The following MTM1 variants were observed in gnomAD, a reference collection of about 807,000 sequenced individuals.
The protein encoded by MTM1 is myotubularin.
Under a neutral mutation model 52.1 loss-of-function variants are expected in MTM1, and 9 were observed. That is an observed-to-expected ratio of 0.17 (90% CI 0.10 to 0.30). MTM1 has a LOEUF of 0.30. Ranked by LOEUF, MTM1 falls within the 10% of genes least tolerant of loss-of-function variation. The pLI, the probability that MTM1 is intolerant of heterozygous loss-of-function variation, is 1.00. For synonymous variants in MTM1, 136 were observed against 163.8 expected, an observed-to-expected ratio of 0.83 and a Z score of 1.29; for missense variants, 277 against 470.7, an observed-to-expected ratio of 0.59 and a Z score of 3.81.
At chrX:150,632,353 G>A (rs1180117616) in intron 6 of MTM1, among the ~76,000 whole-genome samples, 3 of 111,871 alleles carry the variant, frequency 2.7e-5, no homozygotes, top group Non-Finnish European at 3.8e-5. Flanking sequence ...TTTGGTGTCC[G>A]GGAGCACAGC....
At chrX:150,661,619 A>G (rs1488590860) in intron 13 of MTM1, among the ~76,000 whole-genome samples, 4 of 111,927 alleles carry the variant, frequency 3.6e-5, no homozygotes, top group Non-Finnish European at 5.6e-5. Context: ...ATGAAATCCT[A>G]CCATTTGCAA....
At chrX:150,620,511 C>G (rs2039459781) in intron 6 of MTM1, among the ~76,000 whole-genome samples, 1 of 111,883 alleles carries the variant, frequency 8.9e-6, no homozygotes, top group Admixed American at 9.5e-5. Context: ...TCATTTCCAT[C>G]TCATTCTGTT....
At chrX:150,659,572 A>G in intron 11 of MTM1, 92 bp from the exon 12 acceptor site, 1 of 732,364 alleles carries the variant, frequency 1.4e-6, no homozygotes, top group Non-Finnish European at 2.1e-6. Context: ...TAGAAGGCAC[A>G]TTGCTGAATT....
At chrX:150,598,827 T>G (rs781942944) in intron 4 of MTM1, 141 bp downstream of exon 4, 1 of 451,625 alleles carries the variant, frequency 2.2e-6, no homozygotes, top group Admixed American at 4.0e-5. Context: ...TTTTTGCTTA[T>G]GCAAAACTCA....
chrX:150,577,604 T>G (rs2038495828), intron 1 of MTM1, among the ~76,000 whole-genome samples: 1 of 112,402 alleles, frequency 8.9e-6, no homozygotes, highest in Non-Finnish European at 1.9e-5. Context: ...TGAAATCTTT[T>G]GCCCATTTCT....
intron 4 of MTM1, among the ~76,000 whole-genome samples, chrX:150,613,993 C>T (rs2039338107): frequency 8.9e-6 from 1 of 112,165 alleles, no homozygotes; most frequent in Admixed American, 9.5e-5. Context: ...TGTGTAAATT[C>T]GTGGTAACAA....
At chrX:150,582,426 C>G (rs1259464118) in intron 1 of MTM1, among the ~76,000 whole-genome samples, 1 of 111,667 alleles carries the variant, frequency 9.0e-6, no homozygotes, top group East Asian at 2.8e-4. Context: ...TGTAGCCAAC[C>G]TCCTGCCTAT....
At chrX:150,575,681 A>G (rs1382429819) in intron 1 of MTM1, among the ~76,000 whole-genome samples, 1 of 112,045 alleles carries the variant, frequency 8.9e-6, no homozygotes, top group Admixed American at 9.4e-5. Context: ...GGTGGGGCCC[A>G]AGATCTTTAC....
intron 1 of MTM1, among the ~76,000 whole-genome samples, chrX:150,587,272 A>G (rs1373652923): frequency 8.9e-6 from 1 of 112,002 alleles, no homozygotes; most frequent in Non-Finnish European, 1.9e-5. Context: ...GACGGTTCAC[A>G]TGGGAATTAT....
intron 6 of MTM1, among the ~76,000 whole-genome samples, chrX:150,625,098 A>G (rs1569565462): frequency 9.0e-6 from 1 of 111,391 alleles, no homozygotes; most frequent in Non-Finnish European, 1.9e-5. Context: ...GTGTGGTAAC[A>G]AGCATGTGCC....
chrX:150,649,637 A>G, intron 9 of MTM1, 79 bp from the exon 10 acceptor site: 4 of 944,189 alleles, frequency 4.2e-6, no homozygotes, highest in Non-Finnish European at 6.1e-6. Context: ...TTGGAGGACA[A>G]ATAACTAGAA....
Position 150,619,150 on chromosome X carries a change from G to A in MTM1, c.444+11G>A. The A allele has an allele frequency of 8.7e-7, 1 of 1,155,697 alleles. No individual in the cohort carries two copies. The highest frequency in any genetic ancestry group is 1.2e-6 in the Non-Finnish European group (1 of 844,242). ...CTGGCTCACAGTCTGGTAAATTCCAGTGCTCTCCTCAGCGTGGGAAGGTTC... is the reference window on the plus strand; with the variant it reads ...CTGGCTCACAGTCTGGTAAATTCCAATGCTCTCCTCAGCGTGGGAAGGTTC... On this transcript the variant is annotated intron_variant, in intron 6 of 14. Transcript: ENST00000370396.
chrX:150,638,745 T>C (rs1038337911), intron 6 of MTM1, among the ~76,000 whole-genome samples, 198 bp from the exon 7 acceptor site: 5 of 111,360 alleles, frequency 4.5e-5, no homozygotes, highest in African/African-American at 9.8e-5. Flanking sequence ...CTTCTATTAC[T>C]CAAGATAGAA....
Position 150,649,873 on chromosome X carries a change from A to T in MTM1, c.1025A>T (p.Glu342Val), listed in dbSNP as rs1224779396. 2 of 1,206,806 alleles carry T rather than the reference A, an allele frequency of 1.7e-6. No individual in the cohort carries two copies. The highest frequency in any genetic ancestry group is 2.2e-6 in the Non-Finnish European group (2 of 893,263). ...VEESHWLSSL[E>V]STHWLEHIKL... ...GAATCTCATTGGTTGTCCAGTTTGG[A>T]GTCTACTCATTGGTTAGAACATATC... Residue 342 changes from glutamate (E) to valine (V), a missense_variant, in exon 10 of 15, where the codon GAG becomes GTG. This residue lies in a region of MTM1 where 164 missense variants were observed against 283.3 expected (regional missense o/e 0.58). Transcript: ENST00000370396.
the MTM1 span, among the ~76,000 whole-genome samples, chrX:150,563,361 C>CTGGA: frequency 1.2e-5 from 1 of 80,457 alleles, no homozygotes; most frequent in East Asian, 4.4e-4. Flanking sequence ...GTCACCCAGG[C>CTGGA]TGGAGTGCAG....
At chrX:150,581,532 A>C (rs782191974) in intron 1 of MTM1, among the ~76,000 whole-genome samples, 1 of 111,932 alleles carries the variant, frequency 8.9e-6, no homozygotes, top group African/African-American at 3.2e-5. Flanking sequence ...CATGGATTTC[A>C]GGGGAAAAAG....
At chrX:150,569,150 G>A (rs958774888) in intron 1 of MTM1, among the ~76,000 whole-genome samples, 1 of 113,587 alleles carries the variant, frequency 8.8e-6, no homozygotes, top group Non-Finnish European at 1.9e-5. Flanking sequence ...GGCACTGGCC[G>A]CGAAGCCTCG....
Position 150,659,603 on chromosome X carries a change from A to G in MTM1, c.1261-61A>G. 3.1e-6 allele frequency: 3 copies of G among 953,111 alleles called. No homozygotes were observed. The South Asian group carries it at 5.9e-5, about 19-fold the overall frequency. The allele number at this position is 953,111 out of a possible 1,213,427, so 78.5% of individuals were successfully genotyped here. On this transcript the variant is annotated intron_variant, in intron 11 of 14. Transcript: ENST00000370396. ...GAATTGTATTGTCACATTTTGTGTTATATGCTTTCTCAGTTTTGTACCCAT... is the reference window on the plus strand; with the variant it reads ...GAATTGTATTGTCACATTTTGTGTTGTATGCTTTCTCAGTTTTGTACCCAT...
At chrX:150,652,626 CATAT>C (rs1382455858) in intron 10 of MTM1, among the ~76,000 whole-genome samples, 1 of 86,301 alleles carries the variant, frequency 1.2e-5, no homozygotes, top group Non-Finnish European at 2.3e-5. Context: ...CATATATATA[CATAT>C]ATATACGTGT....
Sources: allele counts gnomAD v4.1 joint callset (sites outside exome capture counted in the v4.1 genomes callset), GRCh38; gene constraint gnomAD v4.1.1; regional missense constraint gnomAD v4.1.1; transcripts MANE v1.5; gene names NCBI Gene and HGNC (gene_info 2026-07-23, HGNC 2026-07-21).